The following ERICH1 variants were observed in gnomAD, a reference collection of about 807,000 sequenced individuals.
ERICH1 encodes glutamate rich 1.
A neutral mutation model predicts 39.6 loss-of-function variants in ERICH1; 56 were observed. The ratio of observed to expected loss-of-function variants is 1.41; its 90% CI spans 1.14 to 1.77. The LOEUF is 1.77. Among genes scored for constraint, ERICH1 ranks in the 40% most tolerant of loss-of-function variants. ERICH1 has a pLI of 0.00. For missense variants in ERICH1, 826 were observed against 575.4 expected, an observed-to-expected ratio of 1.44 and a Z score of -4.45; for synonymous variants, 313 against 223.6, an observed-to-expected ratio of 1.40 and a Z score of -3.57.
chr8:705,954 G>C (rs962177202), intron 2 of ERICH1, among the ~76,000 whole-genome samples: 3 of 152,192 alleles, frequency 2.0e-5, no homozygotes, highest in African/African-American at 7.2e-5. Context: ...GCTGCATATA[G>C]GACGGCGGAC....
chr8:694,450 G>C (rs748541673), intron 2 of ERICH1, among the ~76,000 whole-genome samples: 5 of 152,234 alleles, frequency 3.3e-5, no homozygotes, highest in Non-Finnish European at 5.9e-5. Context: ...TTAATCATTA[G>C]GATGGACACG....
chr8:622,097 C>A (rs1260519018), intron 3 of ERICH1, among the ~76,000 whole-genome samples: 3 of 152,124 alleles, frequency 2.0e-5, no homozygotes, highest in Non-Finnish European at 4.4e-5. Context: ...GCATGTGCAC[C>A]TGTAGTCTTA....
intron 2 of ERICH1, 151 bp from the exon 3 acceptor site, chr8:692,763 G>C (rs1809215044): frequency 1.0e-6 from 1 of 962,542 alleles, no homozygotes; most frequent in Non-Finnish European, 1.5e-6. Context: ...CATAAATACT[G>C]ATTTTAATAT....
chr8:674,011 A>G lies in ERICH1; in HGVS notation c.341T>C (p.Ile114Thr). ...DPHDQPKRRR[I>T]RKHKSKKKFK... ...TTTTTTCTTTGATTTATGCTTCCTA[A>G]TTCTTCTTCTCTTTGGCTGGTCATG... The change falls in exon 4 of 6, where the codon ATT becomes ACT. Residue 114 changes from isoleucine (I) to threonine (T), a missense_variant. Ile to Thr is a moderately conservative substitution (Grantham distance 89). Transcript: ENST00000262109. 6.4e-7 allele frequency: 1 copy of G among 1,572,854 alleles called. No individual in the cohort carries two copies. The highest frequency in any genetic ancestry group is 8.5e-7 in the Non-Finnish European group (1 of 1,171,548).
chr8:668,525 TG>T, intron 5 of ERICH1, 72 bp downstream of exon 5: 1 of 1,535,598 alleles, frequency 6.5e-7, no homozygotes. Context: ...TTTGGTGGCG[TG>T]TAAGTCTTTC....
intron 3 of ERICH1, among the ~76,000 whole-genome samples, chr8:686,945 C>CG (rs5888811): frequency 0.6 from 91,831 of 152,042 alleles, 28,144 homozygotes; most frequent in East Asian, 0.9. Flanking sequence ...GAATGCGGAG[C>CG]GGGGGGCAGC....
chr8:687,591 G>C (rs1188256114), intron 3 of ERICH1, among the ~76,000 whole-genome samples: 1 of 152,146 alleles, frequency 6.6e-6, no homozygotes, highest in Non-Finnish European at 1.5e-5. Flanking sequence ...GCAGGGAGCA[G>C]GACTGGAGGG....
intron 4 of ERICH1, 74 bp downstream of exon 4, chr8:673,215 G>C (rs1803838361): frequency 7.6e-6 from 11 of 1,455,044 alleles, no homozygotes; most frequent in Non-Finnish European, 9.2e-6. Context: ...TAACATTTAA[G>C]CATTATATTT....
intron 3 of ERICH1, among the ~76,000 whole-genome samples, chr8:677,335 G>C (rs76261300): frequency 6.6e-6 from 1 of 152,182 alleles, no homozygotes; most frequent in East Asian, 1.9e-4. Context: ...CATTGCTGCC[G>C]CTTTGTGGAA....
In ERICH1 at chr8:668,751, C is replaced by T. The variant is rs139649568; in HGVS notation, c.1105G>A (p.Ala369Thr). The T allele has an allele frequency of 6.0e-5, 96 of 1,612,844 alleles. No homozygotes were observed. The highest frequency in any genetic ancestry group is 1.7e-4 in the Middle Eastern group (1 of 6,028). Residue 369 changes from alanine to threonine, a missense_variant, in exon 5 of 6, where the codon GCT becomes ACT. Coordinates refer to ENST00000262109, the MANE Select transcript of ERICH1 (RefSeq NM_207332.3). ...DAASAALADA[A>T]EELLDRLASH... ...GCAAGGCGGTCCAGCAGCTCCTCAG[C>T]GGCATCTGCGAGGGCAGCTGAAGCT...
intron 2 of ERICH1, among the ~76,000 whole-genome samples, chr8:707,470 G>C (rs1372454468): frequency 6.6e-6 from 1 of 152,138 alleles, no homozygotes; most frequent in Admixed American, 6.5e-5. Flanking sequence ...AGCCTCCAAA[G>C]TGCTGGGACT....
Position 673,977 on chromosome 8 carries a change from AT to A in ERICH1, c.374del (p.Asn125IlefsTer7). Reference sequence around the variant, plus strand: ...CTTGTTCTATAAGAACATTATTGGGATTTTTAAATTTTTTCTTTGATTTATG... The same window carrying A: ...CTTGTTCTATAAGAACATTATTGGGATTTTAAATTTTTTCTTTGATTTATG... ...RKHKSKKKFK[N>X]PNNVLIEQAE... On this transcript the variant is annotated frameshift_variant, in exon 4 of 6. Coordinates refer to ENST00000262109, the MANE Select transcript of ERICH1 (RefSeq NM_207332.3). LOFTEE classifies it high-confidence loss of function. 1 of 1,590,100 alleles carries A rather than the reference AT, an allele frequency of 6.3e-7. No individual in the cohort carries two copies. Among genetic ancestry groups the A allele is most frequent in the Non-Finnish European group, 8.5e-7 (1 of 1,175,168 alleles).
chr8:660,037 G>C (rs1801184186), downstream of ERICH1, among the ~76,000 whole-genome samples: 1 of 152,260 alleles, frequency 6.6e-6, no homozygotes, highest in Non-Finnish European at 1.5e-5. Flanking sequence ...CACTGTGCCA[G>C]ATACAGCTGC....
chr8:651,876 G>T (rs766293290), intron 3 of ERICH1, among the ~76,000 whole-genome samples: 1 of 152,218 alleles, frequency 6.6e-6, no homozygotes, highest in Non-Finnish European at 1.5e-5. Flanking sequence ...TTGCTTAAGA[G>T]AAAGTGTGTT....
chr8:720,825 G>T (rs764855553), intron 1 of ERICH1, among the ~76,000 whole-genome samples: 1 of 152,198 alleles, frequency 6.6e-6, no homozygotes, highest in Non-Finnish European at 1.5e-5. Flanking sequence ...CTTTCCCAGT[G>T]GCCCACACAC....
chr8:695,192 C>G lies in ERICH1; in HGVS notation c.170-2580G>C, dbSNP rs189998596. On this transcript the variant is annotated intron_variant, in intron 2 of 5. Coordinates refer to ENST00000262109, the MANE Select transcript of ERICH1 (RefSeq NM_207332.3). Reference sequence around the variant, plus strand: ...CCGACAGCTATGGAGGGGCTCACAGCCAGCCCCTGGCCCACTTCAGGTGAG... The same window carrying G: ...CCGACAGCTATGGAGGGGCTCACAGGCAGCCCCTGGCCCACTTCAGGTGAG... Among the ~76,000 whole-genome samples the G allele has an allele frequency of 3.0e-4, 45 of 152,160 alleles. No individual in the cohort carries two copies. In the East Asian group the frequency reaches 8.7e-3, roughly 29 times the overall value.
chr8:726,504 ACATAGG>A (rs1476086324), intron 1 of ERICH1, among the ~76,000 whole-genome samples: 1 of 151,844 alleles, frequency 6.6e-6, no homozygotes, highest in Non-Finnish European at 1.5e-5. Context: ...ATGCACATAT[ACATAGG>A]CAAACAGCCA....
chr8:652,014 G>A (rs1013675622), intron 3 of ERICH1, among the ~76,000 whole-genome samples: 1 of 152,202 alleles, frequency 6.6e-6, no homozygotes. Flanking sequence ...GGAAAAGGCC[G>A]TTGGCAGTTG....
At chr8:721,985 C>T (rs1459973041) in intron 1 of ERICH1, among the ~76,000 whole-genome samples, 3 of 152,056 alleles carry the variant, frequency 2.0e-5, no homozygotes, top group Non-Finnish European at 4.4e-5. Flanking sequence ...AGAGCTGGAC[C>T]AGCTGGTGCA....
Sources: allele counts gnomAD v4.1 joint callset (sites outside exome capture counted in the v4.1 genomes callset), GRCh38; gene constraint gnomAD v4.1.1; transcripts MANE v1.5; gene names NCBI Gene and HGNC (gene_info 2026-07-23, HGNC 2026-07-21).